The following FAR1 variants were observed in gnomAD, a reference collection of about 807,000 sequenced individuals.
FAR1 encodes the protein fatty acyl-CoA reductase 1.
A neutral mutation model predicts 61.1 loss-of-function variants in FAR1; 22 were observed. That is an observed-to-expected ratio of 0.36 (90% CI 0.26 to 0.51). The LOEUF is 0.51. Among genes scored for constraint, FAR1 ranks in the 20% least tolerant of loss-of-function variants. The probability of loss-of-function intolerance (pLI) is 0.95; values close to 1 mark genes in which losing one functional copy is unlikely to be tolerated. For missense variants in FAR1, 359 were observed against 626.9 expected (o/e 0.57, Z 4.56); for synonymous variants, 206 against 209.7 (o/e 0.98, Z 0.15).
chr11:13,704,474 T>G (rs559334775), intron 3 of FAR1, among the ~76,000 whole-genome samples: 133 of 151,538 alleles, frequency 8.8e-4, no homozygotes, highest in African/African-American at 3.2e-3. Flanking sequence ...TCTTAAGAAT[T>G]ACTGGAAAGT....
At chr11:13,708,447 G>GCGCGCGCA (rs139902063) in intron 4 of FAR1, among the ~76,000 whole-genome samples, 176 of 136,730 alleles carry the variant, frequency 1.3e-3, no homozygotes, top group African/African-American at 4.4e-3. Flanking sequence ...GCGCGCGCGC[G>GCGCGCGCA]CACACACACA....
Position 13,712,056 on chromosome 11 carries a change from G to A in FAR1, c.887+10G>A. The A allele has an allele frequency of 6.5e-7, 1 of 1,547,466 alleles. No homozygotes were observed. Among genetic ancestry groups the A allele is most frequent in the Non-Finnish European group, 8.9e-7 (1 of 1,119,988 alleles). On this transcript the variant is annotated intron_variant, in intron 7 of 11. Transcript: ENST00000354817. ...ATTCCGGAGTTAATAGGTATATGAGGTGACAATGTCGCTTATTAAATATAT... is the reference window on the plus strand; with the variant it reads ...ATTCCGGAGTTAATAGGTATATGAGATGACAATGTCGCTTATTAAATATAT...
chr11:13,669,718 C>T (rs1377727472), intron 1 of FAR1: 2 of 152,166 alleles, frequency 1.3e-5, no homozygotes, highest in Non-Finnish European at 2.9e-5. Context: ...TTAATTCTCA[C>T]TACTGGGGCT....
At chr11:13,680,166 C>T (rs1485446086) in intron 1 of FAR1, among the ~76,000 whole-genome samples, 1 of 152,164 alleles carries the variant, frequency 6.6e-6, no homozygotes, top group East Asian at 1.9e-4. Context: ...GAAAAAGGAA[C>T]CCACTGTTAT....
chr11:13,673,239 G>C (rs12789795), intron 1 of FAR1, among the ~76,000 whole-genome samples: 4,894 of 152,290 alleles, frequency 0.032, 112 homozygotes, highest in Non-Finnish European at 0.047. Context: ...GGAAAGAGTT[G>C]CGTAAATTCA....
At position 13,729,868 on chromosome 11, in the gene FAR1, G is replaced by A. The variant is rs957499791; in HGVS notation, c.*1094G>A. 1.3e-5 allele frequency: 2 copies of A among 152,312 alleles called. No individual in the cohort carries two copies. Among genetic ancestry groups the A allele is most frequent in the African/African-American group, 2.4e-5 (1 of 41,416 alleles). 9.4% of individuals were successfully genotyped at this position (152,312 alleles called of 1,614,324 possible). A position where few individuals can be genotyped will look rare whatever the true frequency, so the allele number is the denominator to read the frequency against. ...AAATAATGCTTAAGATAATGTGTAC[G>A]AAATTAAATAAAGGACTTTATTTAC... On this transcript the variant is annotated 3_prime_UTR_variant, in exon 12 of 12. Transcript: ENST00000354817.
intron 9 of FAR1, among the ~76,000 whole-genome samples, chr11:13,717,685 A>C (rs1250979440): frequency 6.6e-6 from 1 of 152,196 alleles, no homozygotes; most frequent in African/African-American, 2.4e-5. Flanking sequence ...GCCATATAGT[A>C]AATATTTTAG....
At chr11:13,707,565 T>C (rs1848446744) in intron 3 of FAR1, among the ~76,000 whole-genome samples, 1 of 152,134 alleles carries the variant, frequency 6.6e-6, no homozygotes. Context: ...CTTTTAAAAA[T>C]CAAGATGCAA....
chr11:13,696,814 A>T (rs1459019418), intron 2 of FAR1, among the ~76,000 whole-genome samples: 1 of 152,144 alleles, frequency 6.6e-6, no homozygotes, highest in African/African-American at 2.4e-5. Flanking sequence ...GTGTACACTT[A>T]AAGTTAGTAA....
intron 1 of FAR1, among the ~76,000 whole-genome samples, chr11:13,678,101 A>G (rs906572498): frequency 6.6e-6 from 1 of 152,204 alleles, no homozygotes; most frequent in African/African-American, 2.4e-5. Flanking sequence ...TTGAGTATGC[A>G]TATGTGGTAG....
At chr11:13,689,294 G>A (rs137878031) in intron 1 of FAR1, among the ~76,000 whole-genome samples, 29 of 152,220 alleles carry the variant, frequency 1.9e-4, no homozygotes, top group Middle Eastern at 3.4e-3. Context: ...AATCCCAGAA[G>A]TCTCCTTCAT....
In FAR1 at chr11:13,727,649, T is replaced by A; in HGVS notation, c.1351T>A (p.Ser451Thr). 1 of 1,610,062 alleles carries A rather than the reference T, an allele frequency of 6.2e-7. No individual in the cohort carries two copies. The highest frequency in any genetic ancestry group is 1.1e-5 in the South Asian group (1 of 90,746). The change falls in exon 11 of 12, where the codon TCT becomes ACT. Residue 451 changes from serine to threonine, a missense_variant. Around this residue, in one of 2 missense-constraint regions of FAR1, gnomAD observed 344 missense variants for 570.3 expected, o/e 0.60. Coordinates refer to ENST00000354817, the MANE Select transcript of FAR1 (RefSeq NM_032228.6). ...GAAGTACGTATTGAATGAAGAAATG[T>A]CTGGCCTCCCTGCAGCCAGAAAACA... ...TKKYVLNEEMSGLPAARKHLN... is the reference protein window; with the variant it reads ...TKKYVLNEEMTGLPAARKHLN...
At chr11:13,669,289 G>T (rs1191822649) in intron 1 of FAR1, 3 of 152,858 alleles carry the variant, frequency 2.0e-5, no homozygotes, top group Non-Finnish European at 2.9e-5. Flanking sequence ...GGGCCGGGGA[G>T]TGTGGTTGGC....
intron 1 of FAR1, among the ~76,000 whole-genome samples, 184 bp from the exon 2 acceptor site, chr11:13,694,575 T>C (rs976771870): frequency 1.3e-5 from 2 of 152,234 alleles, no homozygotes; most frequent in African/African-American, 4.8e-5. Flanking sequence ...AAAAATAAGC[T>C]ATAGTTCTCA....
At chr11:13,678,219 A>G (rs1848088112) in intron 1 of FAR1, among the ~76,000 whole-genome samples, 2 of 152,152 alleles carry the variant, frequency 1.3e-5, no homozygotes, top group Admixed American at 1.3e-4. Flanking sequence ...CTTGGTAACT[A>G]GCTTAATAGT....
chr11:13,698,041 A>G (rs1182008596), intron 2 of FAR1, among the ~76,000 whole-genome samples: 2 of 152,100 alleles, frequency 1.3e-5, no homozygotes, highest in African/African-American at 4.8e-5. Flanking sequence ...TACTACCTGT[A>G]TGTGGTTAGT....
chr11:13,700,286 C>A, intron 2 of FAR1, 31 bp from the exon 3 acceptor site: 1 of 1,463,688 alleles, frequency 6.8e-7, no homozygotes, highest in Non-Finnish European at 9.3e-7. Flanking sequence ...AAAAATACTG[C>A]TGTAAAATAA....
intron 3 of FAR1, among the ~76,000 whole-genome samples, chr11:13,703,501 G>A (rs898222892): frequency 6.6e-6 from 1 of 152,118 alleles, no homozygotes. Flanking sequence ...CAATACCTTG[G>A]GAGAGAAACC....
chr11:13,694,802 G>A lies in FAR1; in HGVS notation c.37G>A (p.Val13Ile), dbSNP rs750130905. The change falls in exon 2 of 12, where the codon GTC becomes ATC. Residue 13 changes from valine to isoleucine, a missense_variant. Physicochemically the swap from Val to Ile is conservative, Grantham distance 29. Coordinates refer to ENST00000354817, the MANE Select transcript of FAR1 (RefSeq NM_032228.6). ...CCCAGAATACTATGAAGGCAAGAAC[G>A]TCCTCCTCACAGGAGCTACCGGTTT... ...SIPEYYEGKN[V>I]LLTGATGFLG... is the part of the protein sequence containing the mutation. The A allele has an allele frequency of 9.3e-6, 15 of 1,613,736 alleles. No individual in the cohort carries two copies. The highest frequency in any genetic ancestry group is 6.7e-5 in the East Asian group (3 of 44,876).
Sources: gnomAD v4.1 joint callset for allele counts (sites outside exome capture counted in the v4.1 genomes callset) on GRCh38, gnomAD v4.1.1 for gene constraint, gnomAD v4.1.1 regional missense constraint, MANE v1.5 for transcripts, NCBI Gene and HGNC (gene_info 2026-07-23, HGNC 2026-07-21) for gene names.